The following ERBB4 variants were observed in gnomAD, a reference collection of about 807,000 sequenced individuals.
ERBB4 encodes the protein erb-b2 receptor tyrosine kinase 4.
ERBB4 carries 42 observed loss-of-function variants against 158.0 expected under a neutral mutation model. The ratio of observed to expected loss-of-function variants is 0.27; its 90% CI spans 0.21 to 0.34. The LOEUF is 0.34. ERBB4 is among the 10% of genes least tolerant of loss of function. The pLI, the probability that ERBB4 is intolerant of heterozygous loss-of-function variation, is 1.00. For missense variants in ERBB4, 1,333 were observed against 1,624.1 expected, an observed-to-expected ratio of 0.82 and a Z score of 3.08; for synonymous variants, 583 against 558.7, an observed-to-expected ratio of 1.04 and a Z score of -0.61.
chr2:211,417,582 C>T (rs1457246546), intron 25 of ERBB4, among the ~76,000 whole-genome samples: 1 of 152,148 alleles, frequency 6.6e-6, no homozygotes, highest in Admixed American at 6.5e-5. Flanking sequence ...TATTCATCAA[C>T]TTTCTGGACA....
At chr2:211,737,130 C>A (rs564163174) in intron 5 of ERBB4, among the ~76,000 whole-genome samples, 27 of 152,144 alleles carry the variant, frequency 1.8e-4, no homozygotes, top group Non-Finnish European at 3.5e-4. Flanking sequence ...CATTTGTTCT[C>A]TTACTCCAGC....
chr2:212,072,101 A>T (rs892053618), intron 2 of ERBB4, among the ~76,000 whole-genome samples: 1 of 151,998 alleles, frequency 6.6e-6, no homozygotes, highest in East Asian at 1.9e-4. Context: ...CTTTGTCCAT[A>T]GTATTTTTCT....
At chr2:211,672,595 CCTT>C (rs1222919521) in intron 14 of ERBB4, among the ~76,000 whole-genome samples, 4 of 152,172 alleles carry the variant, frequency 2.6e-5, no homozygotes, top group East Asian at 3.8e-4. Flanking sequence ...GTACTTGTCT[CCTT>C]CTTTCCACTG....
rs1818752 is a variant in ERBB4, at chr2:211,642,923, C to T, written c.1947-12329G>A. 9.2e-5 allele frequency among the ~76,000 whole-genome samples: 14 copies of T among 152,132 alleles called. No individual in the cohort carries two copies. In the East Asian group the frequency reaches 1.7e-3, roughly 19 times the overall value. On this transcript the variant is annotated intron_variant, in intron 16 of 27. Coordinates refer to ENST00000342788, the MANE Select transcript of ERBB4 (RefSeq NM_005235.3). ...AGGCTTCTCTGAAATGAAGCTGATA[C>T]GTGTTTAACATTTGCTTATTCCAGC...
chr2:212,125,179 T>C lies in ERBB4; in HGVS notation c.83-276A>G, dbSNP rs1010644355. 6.4e-5 allele frequency: 23 copies of C among 362,136 alleles called. No homozygotes were observed. The South Asian group carries it at 7.6e-4, about 12-fold the overall frequency. 22.4% of individuals were successfully genotyped at this position (362,136 alleles called of 1,614,324 possible). A position where few individuals can be genotyped will look rare whatever the true frequency, so the allele number is the denominator to read the frequency against. On this transcript the variant is annotated intron_variant, in intron 1 of 27. Coordinates refer to ENST00000342788, the MANE Select transcript of ERBB4 (RefSeq NM_005235.3). ...AACTTAATCCCATTTGTTATGACCA[T>C]ATAAAGCAAGTAAATACATTTACTT...
chr2:211,673,249 C>T lies in ERBB4; in HGVS notation c.1631G>A (p.Arg544Gln), dbSNP rs777013174. The change falls in exon 14 of 28, where the codon CGG becomes CAG. Residue 544 changes from arginine to glutamine, a missense_variant. Physicochemically the swap from Arg to Gln is conservative, Grantham distance 43. This residue lies in a region of ERBB4 where 245 missense variants were observed against 247.5 expected (regional missense o/e 0.99). Transcript: ENST00000342788. The part of the protein sequence containing the change: ...ESCNLYDGEF[R>Q]EFENGSICVE... ...ACAGATGGAGCCATTCTCAAACTCC[C>T]GAAATTCACTGTGAAAACATCAGCC... 10 of 1,612,886 alleles carry T rather than the reference C, an allele frequency of 6.2e-6. No homozygotes were observed. The highest frequency in any genetic ancestry group is 2.2e-5 in the East Asian group (1 of 44,878).
intron 1 of ERBB4, among the ~76,000 whole-genome samples, chr2:212,370,809 T>C (rs7605624): frequency 0.015 from 2,214 of 152,246 alleles, 56 homozygotes; most frequent in African/African-American, 0.051. Flanking sequence ...ATAATGTCAA[T>C]AGCAATAAAT....
chr2:211,379,527 T>A lies in ERBB4; in HGVS notation c.*4088A>T, dbSNP rs2062539128. ...ATTTTAAATGGCAAACTTATCTTTT[T>A]ACTATGCAAAATCCATCCTACATTT... On this transcript the variant is annotated 3_prime_UTR_variant, in exon 28 of 28. Coordinates refer to ENST00000342788, the MANE Select transcript of ERBB4 (RefSeq NM_005235.3). 1 of 231,086 alleles carries A rather than the reference T, an allele frequency of 4.3e-6. No homozygotes were observed. The highest frequency in any genetic ancestry group is 8.6e-6 in the Non-Finnish European group (1 of 116,790). 14.3% of individuals were successfully genotyped at this position (231,086 alleles called of 1,614,324 possible). A position where few individuals can be genotyped will look rare whatever the true frequency, so the allele number is the denominator to read the frequency against.
chr2:212,386,003 C>A (rs1471441085), intron 1 of ERBB4, among the ~76,000 whole-genome samples: 1 of 151,712 alleles, frequency 6.6e-6, no homozygotes, highest in Non-Finnish European at 1.5e-5. Flanking sequence ...AAGGGTAAGA[C>A]AATCAGTCTC....
At chr2:211,783,368 C>T (rs1290863654) in intron 4 of ERBB4, among the ~76,000 whole-genome samples, 1 of 152,190 alleles carries the variant, frequency 6.6e-6, no homozygotes, top group East Asian at 1.9e-4. Context: ...TTTCTTTCTC[C>T]TGCCTGATGG....
At position 211,387,142 on chromosome 2, in the gene ERBB4, A is replaced by G. The variant is rs1193476593; in HGVS notation, c.3192T>C (p.Phe1064=). The part of the protein sequence containing the change: ...PAYTPMSGNQ[F]VYRDGGFAAE... ...CAGCAAAACCTCCATCTCGGTATACAAACTGGTTCTGTTAATAAGAGAAAC... is the reference window on the plus strand; with the variant it reads ...CAGCAAAACCTCCATCTCGGTATACGAACTGGTTCTGTTAATAAGAGAAAC... The change falls in exon 27 of 28, where the codon TTT becomes TTC. Residue 1064 remains phenylalanine, a synonymous_variant. Transcript: ENST00000342788. 6.2e-7 allele frequency: 1 copy of G among 1,612,362 alleles called. No homozygotes were observed. The highest frequency in any genetic ancestry group is 8.5e-7 in the Non-Finnish European group (1 of 1,178,354).
At chr2:212,162,457 G>T (rs1240478108) in intron 1 of ERBB4, among the ~76,000 whole-genome samples, 2 of 151,828 alleles carry the variant, frequency 1.3e-5, no homozygotes, top group African/African-American at 2.4e-5. Flanking sequence ...CTTTGTAGGT[G>T]ACATGATGTC....
intron 16 of ERBB4, among the ~76,000 whole-genome samples, chr2:211,637,915 C>T (rs2070420361): frequency 6.6e-6 from 1 of 151,812 alleles, no homozygotes; most frequent in Non-Finnish European, 1.5e-5. Flanking sequence ...GCTTCAATAT[C>T]TATGCTTGAT....
At chr2:211,571,989 G>A (rs987238381) in intron 19 of ERBB4, among the ~76,000 whole-genome samples, 1 of 151,664 alleles carries the variant, frequency 6.6e-6, no homozygotes, top group African/African-American at 2.4e-5. Context: ...TAAGATCTTG[G>A]ATTTATATTT....
At chr2:212,139,479 A>G (rs1357253898) in intron 1 of ERBB4, among the ~76,000 whole-genome samples, 2 of 152,028 alleles carry the variant, frequency 1.3e-5, no homozygotes, top group African/African-American at 4.8e-5. Context: ...AAAATATCTC[A>G]TATCACACTA....
At chr2:211,984,955 C>T (rs2081900396) in intron 2 of ERBB4, among the ~76,000 whole-genome samples, 1 of 152,118 alleles carries the variant, frequency 6.6e-6, no homozygotes, top group African/African-American at 2.4e-5. Flanking sequence ...TGGTATCAAA[C>T]TCCTGACCTC....
intron 2 of ERBB4, among the ~76,000 whole-genome samples, chr2:212,082,136 G>A (rs963563383): frequency 1.3e-5 from 2 of 152,048 alleles, no homozygotes; most frequent in African/African-American, 4.8e-5. Context: ...ACTATCTCTT[G>A]AAAGAGAATT....
chr2:211,953,201 T>C (rs1259293680), intron 2 of ERBB4, among the ~76,000 whole-genome samples: 1 of 151,876 alleles, frequency 6.6e-6, no homozygotes, highest in Non-Finnish European at 1.5e-5. Context: ...CAATTATGAA[T>C]TATGTCCAAG....
rs184389270 is a variant in ERBB4, at chr2:212,120,222, G to A, written c.234+4530C>T. On this transcript the variant is annotated intron_variant, in intron 2 of 27. Transcript: ENST00000342788. Reference sequence around the variant, plus strand: ...GCTCTCTATGATATTCAAACCACAAGACAAAAGATGGCTGTGTGGTGATGG... The same window carrying A: ...GCTCTCTATGATATTCAAACCACAAAACAAAAGATGGCTGTGTGGTGATGG... Among the ~76,000 whole-genome samples the A allele has an allele frequency of 1.5e-3, 236 of 152,278 alleles. 1 individual carries two copies. Among genetic ancestry groups the A allele is most frequent in the Middle Eastern group, 3.4e-3 (1 of 294 alleles).
Sources: allele counts gnomAD v4.1 joint callset (sites outside exome capture counted in the v4.1 genomes callset), GRCh38; gene constraint gnomAD v4.1.1; regional missense constraint gnomAD v4.1.1; transcripts MANE v1.5; gene names NCBI Gene and HGNC (gene_info 2026-07-23, HGNC 2026-07-21).